BUD13: variants seen among roughly 807,000 people sequenced by gnomAD.
BUD13 encodes the protein BUD13 homolog.
In BUD13, 47 loss-of-function variants were observed where a neutral mutation model predicts 62.5. The observed-to-expected ratio is 0.75, with a 90% confidence interval of 0.60 to 0.96. The LOEUF is 0.96. Among genes scored for constraint, BUD13 ranks in the 40% least tolerant of loss-of-function variants. The pLI, the probability that BUD13 is intolerant of heterozygous loss-of-function variation, is 0.00. For missense variants in BUD13, 821 were observed against 790.9 expected (o/e 1.04, Z -0.46); for synonymous variants, 293 against 280.1 (o/e 1.05, Z -0.46).
chr11:116,758,388 T>C lies in BUD13; in HGVS notation c.1380A>G (p.Glu460=), dbSNP rs1940369930. The part of the protein sequence containing the change: ...MAFEAEFQYA[E]TVFRDKSGRK... ...GACCAGACTTATCTCGAAATACGGT[T>C]TCAGCATATTGAAATTCAGCTGCAA... Residue 460 remains glutamate, a synonymous_variant, in exon 7 of 10, where the codon GAA becomes GAG. Coordinates refer to ENST00000260210, the MANE Select transcript of BUD13 (RefSeq NM_032725.4). 6.2e-7 allele frequency: 1 copy of C among 1,613,914 alleles called. No individual in the cohort carries two copies. Among genetic ancestry groups the C allele is most frequent in the African/African-American group, 1.3e-5 (1 of 74,902 alleles).
chr11:116,772,844 G>A lies in BUD13; in HGVS notation c.121C>T (p.Pro41Ser), dbSNP rs1480823625. 2.5e-6 allele frequency: 4 copies of A among 1,584,570 alleles called. No homozygotes were observed. Among genetic ancestry groups the A allele is most frequent in the East Asian group, 2.4e-5 (1 of 42,312 alleles). ...GRKRRKKRPKPGGAGGKGMRI... is the reference protein window; with the variant it reads ...GRKRRKKRPKSGGAGGKGMRI... ...CACCCCTTGCCGCCGGCCCCGCCAGGCTTCGGCCGCTTTTTGCGACGCTTG... is the reference window on the plus strand; with the variant it reads ...CACCCCTTGCCGCCGGCCCCGCCAGACTTCGGCCGCTTTTTGCGACGCTTG... The change falls in exon 1 of 10, where the codon CCT becomes TCT. Residue 41 changes from proline to serine, a missense_variant. Coordinates refer to ENST00000260210, the MANE Select transcript of BUD13 (RefSeq NM_032725.4).
At chr11:116,770,474 G>C (rs1426332859) in intron 1 of BUD13, among the ~76,000 whole-genome samples, 1 of 151,662 alleles carries the variant, frequency 6.6e-6, no homozygotes, top group Non-Finnish European at 1.5e-5. Context: ...CCCTCTGCCT[G>C]ATCTACTCTT....
chr11:116,764,392 C>T (rs1419924212), intron 3 of BUD13, among the ~76,000 whole-genome samples: 1 of 152,050 alleles, frequency 6.6e-6, no homozygotes, highest in Non-Finnish European at 1.5e-5. Flanking sequence ...CTGTGGGGGG[C>T]CTAACAGTAA....
rs138091547 is a variant in BUD13 at position 116,764,457 on chromosome 11, G to T, written c.322+905C>A. Among the ~76,000 whole-genome samples, 498 of 152,214 alleles carry T rather than the reference G, an allele frequency of 3.3e-3. 6 individuals are homozygous for T. Among genetic ancestry groups the T allele is most frequent in the African/African-American group, 0.011 (471 of 41,530 alleles). ...TAAGCGTACTTCCAATAACAAATTG[G>T]GATGGGGGAGTGAAAGCAAGGCAGA... On this transcript the variant is annotated intron_variant, in intron 3 of 9. Transcript: ENST00000260210.
intron 2 of BUD13, among the ~76,000 whole-genome samples, chr11:116,769,344 T>C (rs1940583751): frequency 6.6e-6 from 1 of 152,252 alleles, no homozygotes; most frequent in Non-Finnish European, 1.5e-5. Context: ...TGTTGAAATT[T>C]ATCTGAAATT....
chr11:116,770,234 T>A lies in BUD13; in HGVS notation c.144-12A>T. On this transcript the variant is annotated splice_polypyrimidine_tract_variant and intron_variant, in intron 1 of 9. Transcript: ENST00000260210. ...CCACAATCCGCATTCTAAATGAGAA[T>A]AAGAAGATCAAAAAGAGTCATTCTA... The A allele has an allele frequency of 1.3e-6, 2 of 1,597,376 alleles. No homozygotes were observed. Among genetic ancestry groups the A allele is most frequent in the African/African-American group, 1.4e-5 (1 of 73,934 alleles).
At chr11:116,758,449 G>T in intron 6 of BUD13, 42 bp from the exon 7 acceptor site, 1 of 1,606,430 alleles carries the variant, frequency 6.2e-7, no homozygotes. Flanking sequence ...ATCAAAATCA[G>T]AAATAACATT....
Position 116,770,156 on chromosome 11 carries a change from TTCC to T in BUD13, c.207_209del (p.Glu72del). On this transcript the variant is annotated inframe_deletion, in exon 2 of 10. Transcript: ENST00000260210. The stretch of plus-strand genomic sequence containing the variant: ...CAGGCAAATCTCCATCATCTTCCTC[TTCC>T]TCCTTTTCTAGTTTGGTTGTGGAGA... 1.9e-6 allele frequency: 3 copies of T among 1,613,572 alleles called. No homozygotes were observed. In the African/African-American group the frequency reaches 4.0e-5, roughly 22 times the overall value.
intron 2 of BUD13, among the ~76,000 whole-genome samples, chr11:116,769,014 C>CA (rs34626460): frequency 0.011 from 948 of 89,850 alleles, 15 homozygotes; most frequent in African/African-American, 0.031. Flanking sequence ...GACTCCGTCT[C>CA]AAAAAAAAAA....
In BUD13 at chr11:116,758,650, C is replaced by T. The variant is rs557102479; in HGVS notation, c.1361-243G>A. Among the ~76,000 whole-genome samples the T allele has an allele frequency of 3.2e-4, 46 of 143,192 alleles. No individual in the cohort carries two copies. The South Asian group carries it at 8.8e-3, about 27-fold the overall frequency. 93.9% of individuals were successfully genotyped at this position (143,192 alleles called of 152,430 possible). On this transcript the variant is annotated intron_variant, in intron 6 of 9. Transcript: ENST00000260210. Reference sequence around the variant, plus strand: ...TTGCCCAGGTTGGAGTGCAGTGGCGCGATCTTGGCTCACTGCAACCTCCAC... The same window carrying T: ...TTGCCCAGGTTGGAGTGCAGTGGCGTGATCTTGGCTCACTGCAACCTCCAC...
intron 2 of BUD13, among the ~76,000 whole-genome samples, chr11:116,768,258 GATAAAATAT>G (rs1338897035): frequency 3.3e-5 from 5 of 151,996 alleles, no homozygotes; most frequent in Non-Finnish European, 2.9e-5. Flanking sequence ...TAACAGAACA[GATAAAATAT>G]ATATATTGAA....
Position 116,762,921 on chromosome 11 carries a change from G to A in BUD13, c.668C>T (p.Pro223Leu), listed in dbSNP as rs774904741. ...ASPRRVRHDS[P>L]DPSPPRRARH... Reference sequence around the variant, plus strand: ...GGCTCGCCTAGGAGGAGAGGGATCTGGTGAATCATGACGGACTCTCCTAGG... The same window carrying A: ...GGCTCGCCTAGGAGGAGAGGGATCTAGTGAATCATGACGGACTCTCCTAGG... The change falls in exon 4 of 10, where the codon CCA (proline) becomes CTA (leucine). Residue 223 changes from proline to leucine, a missense_variant. Physicochemically the swap from Pro to Leu is moderately conservative, Grantham distance 98. Coordinates refer to ENST00000260210, the MANE Select transcript of BUD13 (RefSeq NM_032725.4). 9 of 1,614,092 alleles carry A rather than the reference G, an allele frequency of 5.6e-6. No individual in the cohort carries two copies. The highest frequency in any genetic ancestry group is 1.7e-5 in the Admixed American group (1 of 60,024).
chr11:116,753,961 G>A (rs566628570), intron 9 of BUD13, among the ~76,000 whole-genome samples: 22 of 152,298 alleles, frequency 1.4e-4, no homozygotes, highest in African/African-American at 5.1e-4. Flanking sequence ...TATAGCTACA[G>A]AATATACGTT....
intron 9 of BUD13, among the ~76,000 whole-genome samples, chr11:116,749,270 A>T (rs765535574): frequency 6.6e-6 from 1 of 152,362 alleles, no homozygotes; most frequent in Non-Finnish European, 1.5e-5. Context: ...AATGAGTATG[A>T]CACAGCACCT....
chr11:116,763,846 C>A (rs1406321561), intron 3 of BUD13, among the ~76,000 whole-genome samples: 4 of 152,200 alleles, frequency 2.6e-5, no homozygotes, highest in Non-Finnish European at 4.4e-5. Context: ...TGTGCTCTTT[C>A]TTAGAGAGGG....
At position 116,766,616 on chromosome 11, in the gene BUD13, G is replaced by A. The variant is rs1289530317; in HGVS notation, c.238-1170C>T. 3.3e-5 allele frequency among the ~76,000 whole-genome samples: 5 copies of A among 152,218 alleles called. No homozygotes were observed. In the East Asian group the frequency reaches 7.7e-4, roughly 23 times the overall value. ...CTCATTTGTAAAAGTGGGATTCAAA[G>A]GATTGCTATAAGGATTGAATGAGAT... On this transcript the variant is annotated intron_variant, in intron 2 of 9. Transcript: ENST00000260210.
At chr11:116,768,786 G>A (rs187855914) in intron 2 of BUD13, among the ~76,000 whole-genome samples, 3 of 151,864 alleles carry the variant, frequency 2.0e-5, no homozygotes, top group Non-Finnish European at 4.4e-5. Flanking sequence ...GGCGGATCAC[G>A]AGGTCAGGAG....
chr11:116,757,242 A>G lies in BUD13; in HGVS notation c.1685-15T>C, dbSNP rs377618629. ...GCGAGGTCTCACTAATGAGAGGAGT[A>G]AGAAAAAAGTATTCAGTTAATGACA... On this transcript the variant is annotated splice_polypyrimidine_tract_variant and intron_variant, in intron 8 of 9. Coordinates refer to ENST00000260210, the MANE Select transcript of BUD13 (RefSeq NM_032725.4). 16 of 1,605,348 alleles carry G rather than the reference A, an allele frequency of 1.0e-5. No homozygotes were observed. The highest frequency in any genetic ancestry group is 1.7e-4 in the Middle Eastern group (1 of 6,048).
chr11:116,761,250 C>T (rs920392950), intron 4 of BUD13, among the ~76,000 whole-genome samples: 2 of 151,806 alleles, frequency 1.3e-5, no homozygotes, highest in Non-Finnish European at 2.9e-5. Flanking sequence ...TGGGGTTTCG[C>T]TATGTTGGCC....
Sources: gnomAD v4.1 joint callset for allele counts (sites outside exome capture counted in the v4.1 genomes callset) on GRCh38, gnomAD v4.1.1 for gene constraint, MANE v1.5 for transcripts, NCBI Gene and HGNC (gene_info 2026-07-23, HGNC 2026-07-21) for gene names.